CDH18: variants seen among roughly 807,000 people sequenced by gnomAD.
CDH18 encodes the protein cadherin-18.
In CDH18, 31 loss-of-function variants were observed where a neutral mutation model predicts 67.9. That is an observed-to-expected ratio of 0.46 (90% confidence interval 0.34 to 0.62). CDH18 has a LOEUF of 0.62. CDH18 is among the 20% of genes least tolerant of loss of function. The pLI, the probability that CDH18 is intolerant of heterozygous loss-of-function variation, is 0.01. For synonymous variants in CDH18, 362 were observed against 347.2 expected, an observed-to-expected ratio of 1.04 and a Z score of -0.48; for missense variants, 890 against 975.5, an observed-to-expected ratio of 0.91 and a Z score of 1.17.
intron 3 of CDH18, among the ~76,000 whole-genome samples, chr5:19,823,964 C>T (rs557231527): frequency 2.3e-3 from 354 of 152,170 alleles, no homozygotes; most frequent in Middle Eastern, 3.4e-3. Flanking sequence ...AAACAACTTG[C>T]TCCTAAATGA....
intron 1 of CDH18, among the ~76,000 whole-genome samples, chr5:20,560,988 TAGAA>T (rs1235594111): frequency 1.3e-5 from 2 of 151,982 alleles, no homozygotes; most frequent in African/African-American, 2.4e-5. Context: ...AGAAGATAGA[TAGAA>T]AGTAATATAA....
chr5:20,344,179 A>T (rs2150047595), intron 1 of CDH18, among the ~76,000 whole-genome samples: 1 of 152,280 alleles, frequency 6.6e-6, no homozygotes, highest in South Asian at 2.1e-4. Flanking sequence ...CAATCCTTTC[A>T]CCTAGAAAAG....
intron 3 of CDH18, among the ~76,000 whole-genome samples, chr5:19,756,705 T>C (rs1411858749): frequency 6.6e-6 from 1 of 152,250 alleles, no homozygotes. Flanking sequence ...AGTCTTAACT[T>C]ATAGTTCAAT....
chr5:19,475,397 C>T (rs748736103), intron 12 of CDH18, among the ~76,000 whole-genome samples: 2 of 151,872 alleles, frequency 1.3e-5, no homozygotes, highest in South Asian at 2.1e-4. Context: ...TAACACAAAA[C>T]GTATTTTATA....
intron 1 of CDH18, among the ~76,000 whole-genome samples, chr5:20,570,245 T>C (rs1474285113): frequency 6.6e-6 from 1 of 152,162 alleles, no homozygotes; most frequent in African/African-American, 2.4e-5. Flanking sequence ...TAATGCAAGA[T>C]GTTAATCATA....
At chr5:20,284,131 A>G (rs898131684) in intron 1 of CDH18, among the ~76,000 whole-genome samples, 3 of 151,958 alleles carry the variant, frequency 2.0e-5, no homozygotes, top group Admixed American at 6.6e-5. Flanking sequence ...GCCAGGGAGA[A>G]GAGGAGATGG....
At chr5:19,726,511 G>C (rs775984321) in intron 4 of CDH18, among the ~76,000 whole-genome samples, 2 of 152,134 alleles carry the variant, frequency 1.3e-5, no homozygotes, top group Admixed American at 1.3e-4. Context: ...ATGAATAGCA[G>C]AGCCCAACTA....
chr5:20,080,943 A>G (rs1744417190), intron 2 of CDH18, among the ~76,000 whole-genome samples: 1 of 152,228 alleles, frequency 6.6e-6, no homozygotes, highest in East Asian at 1.9e-4. Context: ...CTAATATTGC[A>G]TTAGTTACAC....
chr5:20,547,681 A>G (rs1757416865), intron 1 of CDH18, among the ~76,000 whole-genome samples: 1 of 152,176 alleles, frequency 6.6e-6, no homozygotes, highest in Non-Finnish European at 1.5e-5. Context: ...TGTTTGGCTT[A>G]AATAATGAGA....
chr5:19,699,567 T>C (rs764027454), intron 5 of CDH18, among the ~76,000 whole-genome samples: 1 of 151,956 alleles, frequency 6.6e-6, no homozygotes, highest in African/African-American at 2.4e-5. Context: ...AGTTCTCTTA[T>C]AAGAAGATGA....
intron 1 of CDH18, among the ~76,000 whole-genome samples, chr5:20,373,363 T>G (rs1193596103): frequency 6.6e-6 from 1 of 152,148 alleles, no homozygotes; most frequent in Non-Finnish European, 1.5e-5. Flanking sequence ...TTCTGTTCCC[T>G]CAGTTTGGAA....
chr5:20,463,298 A>G (rs1751400540), intron 1 of CDH18, among the ~76,000 whole-genome samples: 2 of 151,504 alleles, frequency 1.3e-5, no homozygotes, highest in Non-Finnish European at 2.9e-5. Context: ...GATTAGTAAA[A>G]CAAGAAAAAA....
intron 3 of CDH18, among the ~76,000 whole-genome samples, chr5:19,760,734 C>A (rs1262435936): frequency 6.6e-6 from 1 of 152,162 alleles, no homozygotes; most frequent in Non-Finnish European, 1.5e-5. Flanking sequence ...CTCAACCTCA[C>A]CTCTAGTGGC....
intron 1 of CDH18, among the ~76,000 whole-genome samples, chr5:20,309,639 C>A (rs76792324): frequency 2.6e-3 from 402 of 152,248 alleles, no homozygotes; most frequent in African/African-American, 8.9e-3. Flanking sequence ...GTTAACATAT[C>A]ACTACATAAT....
intron 2 of CDH18, among the ~76,000 whole-genome samples, chr5:20,014,079 T>C (rs1023853808): frequency 2.0e-5 from 3 of 152,070 alleles, no homozygotes; most frequent in African/African-American, 7.2e-5. Context: ...TTATAGAAAA[T>C]AAGAATAGGC....
chr5:19,907,180 T>A lies in CDH18; in HGVS notation c.-256-67938A>T, dbSNP rs1388174917. On this transcript the variant is annotated intron_variant, in intron 2 of 12. Coordinates refer to ENST00000382275, the MANE Select transcript of CDH18 (RefSeq NM_004934.5). ...TGCAAGACATTGCCATATAAAAAAA[T>A]TCATGGTTATGTGTGTTTCAGAAAT... 3.3e-5 allele frequency among the ~76,000 whole-genome samples: 5 copies of A among 151,992 alleles called. No homozygotes were observed. In the South Asian group the frequency reaches 6.2e-4, roughly 19 times the overall value.
intron 1 of CDH18, among the ~76,000 whole-genome samples, chr5:20,434,880 C>A (rs982671629): frequency 2.6e-5 from 4 of 152,016 alleles, no homozygotes; most frequent in Non-Finnish European, 5.9e-5. Flanking sequence ...TCCCTACTGA[C>A]AACTACAAGT....
At chr5:19,507,911 AAAAAG>A (rs753490694) in intron 10 of CDH18, among the ~76,000 whole-genome samples, 2 of 152,158 alleles carry the variant, frequency 1.3e-5, no homozygotes, top group Non-Finnish European at 2.9e-5. Flanking sequence ...ATAATTTAAA[AAAAAG>A]AAGAGAGAAA....
rs536643866 is a variant in CDH18 at position 20,572,419 on chromosome 5, A to G, written c.-580+3043T>C. Among the ~76,000 whole-genome samples, 5 of 148,662 alleles carry G rather than the reference A, an allele frequency of 3.4e-5. No individual in the cohort carries two copies. The East Asian group carries it at 9.7e-4, about 29-fold the overall frequency. On this transcript the variant is annotated intron_variant, in intron 1 of 14. Coordinates refer to the CDH18 transcript ENST00000507958. ...TCTTATGATGCTGTTTGCATAATAT[A>G]TTATCTTTACATTTGCCTAAAATAG...
Sources: allele counts gnomAD v4.1 joint callset (sites outside exome capture counted in the v4.1 genomes callset), GRCh38; gene constraint gnomAD v4.1.1; transcripts MANE v1.5; gene names NCBI Gene and HGNC (gene_info 2026-07-23, HGNC 2026-07-21).